The following ADAMTSL3 variants were observed in gnomAD, a reference collection of about 807,000 sequenced individuals.
ADAMTSL3 encodes the protein ADAMTS-like protein 3.
A neutral mutation model predicts 201.7 loss-of-function variants in ADAMTSL3; 128 were observed. The observed-to-expected ratio is 0.63, with a 90% CI of 0.55 to 0.73. ADAMTSL3 has a LOEUF of 0.73. Ranked by LOEUF, ADAMTSL3 falls within the 30% of genes least tolerant of loss-of-function variation. ADAMTSL3 has a pLI of 0.00. For missense variants in ADAMTSL3, 1,990 were observed against 2,119.6 expected (o/e 0.94, Z 1.20); for synonymous variants, 738 against 748.4 (o/e 0.99, Z 0.23).
At chr15:83,734,058 C>T (rs2062330440) in intron 3 of ADAMTSL3, among the ~76,000 whole-genome samples, 2 of 152,040 alleles carry the variant, frequency 1.3e-5, no homozygotes, top group Non-Finnish European at 2.9e-5. Flanking sequence ...GTCTCTGAGA[C>T]AAAAGTAATT....
intron 5 of ADAMTSL3, among the ~76,000 whole-genome samples, chr15:83,806,896 C>T (rs1224523485): frequency 6.6e-6 from 1 of 152,028 alleles, no homozygotes; most frequent in Non-Finnish European, 1.5e-5. Context: ...ACACAAGAAA[C>T]TTTAGAAAGC....
intron 17 of ADAMTSL3, among the ~76,000 whole-genome samples, chr15:83,931,157 A>G (rs1291388832): frequency 6.6e-6 from 1 of 152,186 alleles, no homozygotes; most frequent in Non-Finnish European, 1.5e-5. Flanking sequence ...GGGTTACATA[A>G]TGGTCCTGCT....
chr15:83,738,392 A>G (rs2062401877), intron 3 of ADAMTSL3, among the ~76,000 whole-genome samples: 1 of 152,186 alleles, frequency 6.6e-6, no homozygotes, highest in Non-Finnish European at 1.5e-5. Context: ...ATCTATATGT[A>G]TGTATGTCAC....
At chr15:83,788,914 A>C (rs910750214) in intron 4 of ADAMTSL3, among the ~76,000 whole-genome samples, 7 of 151,158 alleles carry the variant, frequency 4.6e-5, no homozygotes, top group Admixed American at 4.6e-4. Context: ...GGTTGAAGCA[A>C]CTCTCCTGCC....
At chr15:84,003,917 C>T (rs1467914957) in intron 23 of ADAMTSL3, among the ~76,000 whole-genome samples, 1 of 152,190 alleles carries the variant, frequency 6.6e-6, no homozygotes, top group African/African-American at 2.4e-5. Flanking sequence ...ACAGCACCCA[C>T]ACAGGGTGGG....
At chr15:83,778,929 C>CA (rs937207144) in intron 4 of ADAMTSL3, among the ~76,000 whole-genome samples, 1 of 151,906 alleles carries the variant, frequency 6.6e-6, no homozygotes, top group Admixed American at 6.6e-5. Flanking sequence ...AAAAATCTAC[C>CA]AAAAAAATGG....
intron 8 of ADAMTSL3, among the ~76,000 whole-genome samples, chr15:83,870,119 T>C (rs1224561534): frequency 6.6e-6 from 1 of 152,218 alleles, no homozygotes. Context: ...CTTTTGTTCA[T>C]GTGAAAGCAA....
At position 83,814,351 on chromosome 15, in the gene ADAMTSL3, C is replaced by T. The variant is rs191574053; in HGVS notation, c.364-5460C>T. On this transcript the variant is annotated intron_variant, in intron 5 of 29. Coordinates refer to ENST00000286744, the MANE Select transcript of ADAMTSL3 (RefSeq NM_207517.3). Reference sequence around the variant, plus strand: ...TATATTTTAGTCCCCTCCGTGGATCCTTATTGCTTTTAAATCTCCTCACTT... The same window carrying T: ...TATATTTTAGTCCCCTCCGTGGATCTTTATTGCTTTTAAATCTCCTCACTT... Among the ~76,000 whole-genome samples, 443 of 152,276 alleles carry T rather than the reference C, an allele frequency of 2.9e-3. 1 individual carries two copies. The highest frequency in any genetic ancestry group is 6.8e-3 in the Middle Eastern group (2 of 294).
At chr15:83,764,764 A>T (rs1286673912) in intron 3 of ADAMTSL3, among the ~76,000 whole-genome samples, 1 of 152,030 alleles carries the variant, frequency 6.6e-6, no homozygotes, top group Admixed American at 6.6e-5. Context: ...CTACCTTGGT[A>T]AATAGCGTGT....
chr15:83,736,205 C>A (rs2062367382), intron 3 of ADAMTSL3, among the ~76,000 whole-genome samples: 1 of 152,114 alleles, frequency 6.6e-6, no homozygotes, highest in South Asian at 2.1e-4. Flanking sequence ...GCCTTTGGCC[C>A]CTTTCCAATA....
chr15:83,910,782 G>A (rs2065916986), intron 15 of ADAMTSL3, among the ~76,000 whole-genome samples: 2 of 151,322 alleles, frequency 1.3e-5, no homozygotes, highest in African/African-American at 4.8e-5. Context: ...TTACAGGCAT[G>A]CACCACCATG....
chr15:83,975,192 C>A (rs765618695), intron 20 of ADAMTSL3, among the ~76,000 whole-genome samples: 1 of 151,696 alleles, frequency 6.6e-6, no homozygotes, highest in South Asian at 2.1e-4. Flanking sequence ...TTAGTAGAGA[C>A]GGGGTTTCAC....
intron 15 of ADAMTSL3, among the ~76,000 whole-genome samples, chr15:83,910,578 A>G (rs1273870338): frequency 6.6e-6 from 1 of 151,776 alleles, no homozygotes; most frequent in Non-Finnish European, 1.5e-5. Flanking sequence ...ATATACAGAA[A>G]AACTAGGAGG....
chr15:83,810,193 G>C (rs976924249), intron 5 of ADAMTSL3, among the ~76,000 whole-genome samples: 2 of 152,300 alleles, frequency 1.3e-5, no homozygotes, highest in South Asian at 2.1e-4. Context: ...TCCTCAGAGG[G>C]ATTTTGGAGC....
At chr15:83,676,575 G>A (rs1034768955) in intron 2 of ADAMTSL3, among the ~76,000 whole-genome samples, 3 of 152,198 alleles carry the variant, frequency 2.0e-5, no homozygotes, top group Admixed American at 6.5e-5. Flanking sequence ...CTACTCAGGA[G>A]GCTGAGGCAG....
chr15:83,791,741 TC>T (rs1438169831), intron 4 of ADAMTSL3, among the ~76,000 whole-genome samples: 2 of 151,708 alleles, frequency 1.3e-5, no homozygotes, highest in Admixed American at 6.6e-5. Context: ...GCGCCTGTAG[TC>T]CCAGCTACTC....
At chr15:83,864,063 G>C (rs922489102) in intron 8 of ADAMTSL3, among the ~76,000 whole-genome samples, 4 of 152,126 alleles carry the variant, frequency 2.6e-5, no homozygotes, top group Non-Finnish European at 5.9e-5. Context: ...ACTAAACCAG[G>C]AAGAAGTTGA....
At chr15:83,762,833 A>G (rs968429340) in intron 3 of ADAMTSL3, among the ~76,000 whole-genome samples, 3 of 152,020 alleles carry the variant, frequency 2.0e-5, no homozygotes, top group Non-Finnish European at 4.4e-5. Flanking sequence ...GCCGTTCTAT[A>G]GCAATACTGT....
intron 23 of ADAMTSL3, among the ~76,000 whole-genome samples, chr15:83,996,335 C>A (rs991481244): frequency 6.6e-6 from 1 of 152,152 alleles, no homozygotes; most frequent in African/African-American, 2.4e-5. Context: ...AACATTGACA[C>A]ACTTTGCTGT....
Sources: gnomAD v4.1 joint callset for allele counts (sites outside exome capture counted in the v4.1 genomes callset) on GRCh38, gnomAD v4.1.1 for gene constraint, MANE v1.5 for transcripts, NCBI Gene and HGNC (gene_info 2026-07-23, HGNC 2026-07-21) for gene names.